Variants in ADAM10 observed in about 807,000 individuals in gnomAD.
The protein encoded by ADAM10 is disintegrin and metalloproteinase domain-containing protein 10.
Under a neutral mutation model 90.1 loss-of-function variants are expected in ADAM10, and 17 were observed. The ratio of observed to expected loss-of-function variants is 0.19; its 90% CI spans 0.13 to 0.28. ADAM10 has a LOEUF of 0.28. ADAM10 is among the 10% of genes least tolerant of loss of function. The pLI, the probability that ADAM10 is intolerant of heterozygous loss-of-function variation, is 1.00. For synonymous variants in ADAM10, 310 were observed against 298.6 expected, an observed-to-expected ratio of 1.04 and a Z score of -0.40; for missense variants, 610 against 914.3, an observed-to-expected ratio of 0.67 and a Z score of 4.29.
intron 1 of ADAM10, among the ~76,000 whole-genome samples, chr15:58,729,999 C>A (rs59497355): frequency 0.12 from 15,160 of 125,458 alleles, 1,222 homozygotes; most frequent in East Asian, 0.35. Flanking sequence ...AACAAACAAA[C>A]AAACAAAAAA....
intron 11 of ADAM10, among the ~76,000 whole-genome samples, chr15:58,614,141 T>G (rs1895533756): frequency 6.6e-6 from 1 of 151,932 alleles, no homozygotes; most frequent in African/African-American, 2.4e-5. Context: ...AAAAACTAGC[T>G]GGGCATGGTG....
At chr15:58,612,069 C>G in intron 11 of ADAM10, 78 bp from the exon 12 acceptor site, 1 of 1,366,954 alleles carries the variant, frequency 7.3e-7, no homozygotes, top group Non-Finnish European at 1.0e-6. Context: ...AGATTAGATC[C>G]ACATTATTAG....
At chr15:58,693,061 T>C (rs763334997) in intron 2 of ADAM10, 1 of 750,966 alleles carries the variant, frequency 1.3e-6, no homozygotes, top group Non-Finnish European at 2.5e-6. Flanking sequence ...ATCAGAAGCA[T>C]TAGAGATCAA....
intron 4 of ADAM10, among the ~76,000 whole-genome samples, chr15:58,666,329 A>T (rs1897082742): frequency 6.6e-6 from 1 of 151,174 alleles, no homozygotes; most frequent in East Asian, 2.0e-4. Flanking sequence ...TGTAACTATG[A>T]AAGAGAGAAG....
At chr15:58,744,081 T>C (rs528272055) in intron 1 of ADAM10, among the ~76,000 whole-genome samples, 29 of 152,242 alleles carry the variant, frequency 1.9e-4, no homozygotes, top group Non-Finnish European at 4.0e-4. Context: ...TTATTTGCTG[T>C]ACCTGCCTGG....
rs1169216998 is a variant in ADAM10, at chr15:58,633,177, A to G, written c.1176+19T>C. The G allele has an allele frequency of 6.3e-7, 1 of 1,594,744 alleles. No homozygotes were observed. The highest frequency in any genetic ancestry group is 8.6e-7 in the Non-Finnish European group (1 of 1,163,190). On this transcript the variant is annotated intron_variant, in intron 9 of 15. Coordinates refer to ENST00000260408, the MANE Select transcript of ADAM10 (RefSeq NM_001110.4). Reference sequence around the variant, plus strand: ...AGACTAATAAGTATTTTTTAAGCTAATAATTAGACAATACTTACTGGGGAT... The same window carrying G: ...AGACTAATAAGTATTTTTTAAGCTAGTAATTAGACAATACTTACTGGGGAT...
In ADAM10 at chr15:58,593,149, A is replaced by ATATTTTTTTTT. The variant is rs1566960154; in HGVS notation, c.*4397_*4398insAAAAAAAAATA. On this transcript the variant is annotated 3_prime_UTR_variant, in exon 16 of 16. Coordinates refer to ENST00000260408, the MANE Select transcript of ADAM10 (RefSeq NM_001110.4). ...AAAGTAACAAAGGCCAGGTACTCAA[A>ATATTTTTTTTT]TTTTTTTTTTTTTTTTTTTTTTTTT... 1 of 68,402 alleles carries ATATTTTTTTTT rather than the reference A, an allele frequency of 1.5e-5. No individual in the cohort carries two copies. Among genetic ancestry groups the ATATTTTTTTTT allele is most frequent in the Non-Finnish European group, 2.8e-5 (1 of 36,234 alleles). The allele number at this position is 68,402 out of a possible 1,614,324, so 4.2% of individuals were successfully genotyped here.
intron 1 of ADAM10, among the ~76,000 whole-genome samples, chr15:58,746,049 C>T (rs577832427): frequency 1.2e-4 from 18 of 152,198 alleles, no homozygotes; most frequent in African/African-American, 3.4e-4. Flanking sequence ...GTATGAAAGC[C>T]GCTTTCAAAA....
chr15:58,601,439 C>A (rs931110088), intron 14 of ADAM10, among the ~76,000 whole-genome samples: 10 of 152,000 alleles, frequency 6.6e-5, no homozygotes, highest in African/African-American at 1.9e-4. Context: ...CCAGCCTGGG[C>A]AACAGAGTGA....
chr15:58,659,268 G>A (rs534700561), intron 5 of ADAM10, among the ~76,000 whole-genome samples: 10 of 151,078 alleles, frequency 6.6e-5, no homozygotes, highest in East Asian at 3.9e-4. Context: ...GCGAGAATCC[G>A]TCTCAAAAAA....
At chr15:58,626,170 T>C (rs1392245749) in intron 10 of ADAM10, among the ~76,000 whole-genome samples, 4 of 151,466 alleles carry the variant, frequency 2.6e-5, no homozygotes, top group African/African-American at 7.3e-5. Context: ...ACTAGGGAAA[T>C]TGGAATAGTA....
intron 10 of ADAM10, among the ~76,000 whole-genome samples, chr15:58,621,955 T>TA (rs1206147028): frequency 2.5e-4 from 38 of 152,140 alleles, no homozygotes; most frequent in Admixed American, 9.2e-4. Context: ...CAAACCAAGT[T>TA]AGTGCTTCAC....
chr15:58,712,357 CA>C (rs1213314894), intron 2 of ADAM10, among the ~76,000 whole-genome samples: 19 of 148,738 alleles, frequency 1.3e-4, no homozygotes, highest in African/African-American at 4.0e-4. Flanking sequence ...CCATTTCTAC[CA>C]AAAAAAAATA....
intron 5 of ADAM10, among the ~76,000 whole-genome samples, chr15:58,655,726 T>TATATATATA (rs2099342772): frequency 9.2e-6 from 1 of 109,132 alleles, no homozygotes; most frequent in Non-Finnish European, 1.8e-5. Flanking sequence ...TATATATATA[T>TATATATATA]ATATATATAT....
At chr15:58,648,845 C>CTT (rs375126336) in intron 5 of ADAM10, among the ~76,000 whole-genome samples, 4 of 150,298 alleles carry the variant, frequency 2.7e-5, no homozygotes, top group African/African-American at 9.8e-5. Context: ...TTTAGTAATG[C>CTT]TTTTTTTTTG....
intron 9 of ADAM10, among the ~76,000 whole-genome samples, chr15:58,628,881 T>C (rs931652312): frequency 1.5e-4 from 23 of 152,240 alleles, no homozygotes; most frequent in African/African-American, 4.8e-4. Context: ...TTCCCTCTTC[T>C]GAGGCAACTG....
chr15:58,697,457 C>A (rs755649768), intron 2 of ADAM10, among the ~76,000 whole-genome samples: 7 of 152,100 alleles, frequency 4.6e-5, no homozygotes, highest in Non-Finnish European at 1.0e-4. Flanking sequence ...TCTACCCAGC[C>A]CCCTCCACCA....
rs570048387 is a variant in ADAM10 at position 58,594,725 on chromosome 15, T to C, written c.*2822A>G. 6.6e-6 allele frequency: 1 copy of C among 152,234 alleles called. No individual in the cohort carries two copies. The highest frequency in any genetic ancestry group is 2.1e-4 in the South Asian group (1 of 4,824). The allele number at this position is 152,234 out of a possible 1,614,324, so 9.4% of individuals were successfully genotyped here. A position where few individuals can be genotyped will look rare whatever the true frequency, so the allele number is the denominator to read the frequency against. ...GAGAGGACGGACTGTAAACAGAATT[T>C]AAGCATTCAATTACAAGTAAAAATA... is the stretch of plus-strand genomic sequence containing the variant. On this transcript the variant is annotated 3_prime_UTR_variant, in exon 16 of 16. Coordinates refer to ENST00000260408, the MANE Select transcript of ADAM10 (RefSeq NM_001110.4).
chr15:58,663,564 C>T (rs1396914732), intron 5 of ADAM10, among the ~76,000 whole-genome samples: 2 of 152,060 alleles, frequency 1.3e-5, no homozygotes, highest in Non-Finnish European at 2.9e-5. Context: ...TTCCATATAA[C>T]ATTTTTGACC....
Sources: gnomAD v4.1 joint callset for allele counts (sites outside exome capture counted in the v4.1 genomes callset) on GRCh38, gnomAD v4.1.1 for gene constraint, MANE v1.5 for transcripts, NCBI Gene and HGNC (gene_info 2026-07-23, HGNC 2026-07-21) for gene names.